PLA2G4A: variants seen among roughly 807,000 people sequenced by gnomAD.
PLA2G4A encodes the protein phospholipase A2 group IVA.
In PLA2G4A, 40 loss-of-function variants were observed where a neutral mutation model predicts 81.9. That is an observed-to-expected ratio of 0.49 (90% CI 0.38 to 0.64). The LOEUF (loss-of-function observed/expected upper bound fraction) is 0.64. PLA2G4A is among the 30% of genes least tolerant of loss of function. PLA2G4A has a pLI of 0.00. For synonymous variants in PLA2G4A, 302 were observed against 296.9 expected (o/e 1.02, Z -0.18); for missense variants, 715 against 905.1 (o/e 0.79, Z 2.69).
At chr1:186,889,038 CTGGTGATA>C (rs1321168155) in intron 3 of PLA2G4A, among the ~76,000 whole-genome samples, 5 of 152,180 alleles carry the variant, frequency 3.3e-5, no homozygotes, top group Non-Finnish European at 7.3e-5. Context: ...ATCCTGAGCA[CTGGTGATA>C]TGGTAGAAAC....
chr1:186,902,200 A>G (rs1571383075), intron 5 of PLA2G4A, among the ~76,000 whole-genome samples: 1 of 152,214 alleles, frequency 6.6e-6, no homozygotes, highest in Non-Finnish European at 1.5e-5. Flanking sequence ...CGTACAAAAG[A>G]TACAATAAAA....
At chr1:186,887,002 A>ACCT (rs1653958180) in intron 3 of PLA2G4A, among the ~76,000 whole-genome samples, 2 of 152,250 alleles carry the variant, frequency 1.3e-5, no homozygotes, top group Admixed American at 1.3e-4. Flanking sequence ...GCTGGAGAAT[A>ACCT]TGATTGAAGG....
chr1:186,969,618 A>G (rs1435040718), intron 15 of PLA2G4A, among the ~76,000 whole-genome samples: 1 of 151,688 alleles, frequency 6.6e-6, no homozygotes, highest in Admixed American at 6.6e-5. Flanking sequence ...CATTAATTCA[A>G]CTGTTTTTAG....
At chr1:186,831,971 T>C (rs1294151989) in intron 1 of PLA2G4A, among the ~76,000 whole-genome samples, 1 of 152,092 alleles carries the variant, frequency 6.6e-6, no homozygotes, top group African/African-American at 2.4e-5. Flanking sequence ...TTAATAATCA[T>C]GCATTACTTT....
At chr1:186,981,484 A>G (rs770897272) in intron 17 of PLA2G4A, among the ~76,000 whole-genome samples, 5 of 152,198 alleles carry the variant, frequency 3.3e-5, no homozygotes, top group East Asian at 1.9e-4. Context: ...CCCGACCTAT[A>G]CACCTCATCA....
At position 186,893,050 on chromosome 1, in the gene PLA2G4A, C is replaced by T; in HGVS notation, c.155C>T (p.Thr52Ile). 1 of 1,609,298 alleles carries T rather than the reference C, an allele frequency of 6.2e-7. No homozygotes were observed. The highest frequency in any genetic ancestry group is 8.5e-7 in the Non-Finnish European group (1 of 1,175,666). ...PDPYVELFISTTPDSRKRTRH... is the reference protein window; with the variant it reads ...PDPYVELFISITPDSRKRTRH... Reference sequence around the variant, plus strand: ...CCCTATGTGGAACTTTTTATCTCTACAACCCCTGACAGCAGGAAGAGAACA... The same window carrying T: ...CCCTATGTGGAACTTTTTATCTCTATAACCCCTGACAGCAGGAAGAGAACA... Residue 52 changes from threonine (T) to isoleucine (I), a missense_variant, in exon 4 of 18, where the codon ACA (threonine) becomes ATA (isoleucine). Transcript: ENST00000367466.
intron 3 of PLA2G4A, among the ~76,000 whole-genome samples, chr1:186,889,865 A>G (rs143298314): frequency 3.4e-4 from 52 of 152,088 alleles, no homozygotes; most frequent in African/African-American, 1.2e-3. Context: ...TTTCCATAGA[A>G]TCCATACCCT....
chr1:186,858,724 A>G (rs1303291783), intron 2 of PLA2G4A, among the ~76,000 whole-genome samples: 2 of 152,110 alleles, frequency 1.3e-5, no homozygotes, highest in African/African-American at 4.8e-5. Context: ...ATATTATACC[A>G]TATTACAAAA....
At chr1:186,937,712 A>G (rs1442478129) in intron 8 of PLA2G4A, among the ~76,000 whole-genome samples, 1 of 135,678 alleles carries the variant, frequency 7.4e-6, no homozygotes, top group Non-Finnish European at 1.6e-5. Flanking sequence ...CTAACAACTG[A>G]AGTCTTGTAT....
chr1:186,847,130 A>T (rs1232400223), intron 1 of PLA2G4A, among the ~76,000 whole-genome samples: 1 of 91,146 alleles, frequency 1.1e-5, no homozygotes, highest in African/African-American at 3.4e-5. Flanking sequence ...TTTGAACAAT[A>T]TAATATTTAT....
chr1:186,969,766 T>C (rs1037303899), intron 15 of PLA2G4A, among the ~76,000 whole-genome samples: 7 of 152,018 alleles, frequency 4.6e-5, no homozygotes, highest in African/African-American at 1.4e-4. Context: ...CTGAATAATA[T>C]TCTATAGTGT....
At position 186,937,870 on chromosome 1, in the gene PLA2G4A, C is replaced by T. The variant is rs187234912; in HGVS notation, c.696-1138C>T. On this transcript the variant is annotated intron_variant, in intron 8 of 17. Transcript: ENST00000367466. ...TTAAAATAGAATATTTGAAAGCCACCGTGAGTCTTCAAGACAACAGCTTAT... is the reference window on the plus strand; with the variant it reads ...TTAAAATAGAATATTTGAAAGCCACTGTGAGTCTTCAAGACAACAGCTTAT... 9.9e-5 allele frequency among the ~76,000 whole-genome samples: 15 copies of T among 152,044 alleles called. No individual in the cohort carries two copies. The East Asian group carries it at 2.1e-3, about 21-fold the overall frequency.
intron 1 of PLA2G4A, among the ~76,000 whole-genome samples, chr1:186,851,068 C>T (rs748097073): frequency 2.6e-5 from 4 of 151,952 alleles, no homozygotes; most frequent in Non-Finnish European, 4.4e-5. Flanking sequence ...ATTCACATTA[C>T]AAGCAAGTAA....
At chr1:186,917,585 TC>T in intron 7 of PLA2G4A, among the ~76,000 whole-genome samples, 1 of 152,258 alleles carries the variant, frequency 6.6e-6, no homozygotes, top group South Asian at 2.1e-4. Flanking sequence ...TTTGCTGTCT[TC>T]CGTACCAAGT....
intron 17 of PLA2G4A, among the ~76,000 whole-genome samples, chr1:186,987,424 G>A (rs1657926224): frequency 6.6e-6 from 1 of 152,242 alleles, no homozygotes; most frequent in African/African-American, 2.4e-5. Flanking sequence ...CTGAGGTAGA[G>A]AATAAAAGGA....
intron 3 of PLA2G4A, among the ~76,000 whole-genome samples, chr1:186,892,201 G>T (rs1460435842): frequency 6.6e-6 from 1 of 152,052 alleles, no homozygotes; most frequent in Non-Finnish European, 1.5e-5. Context: ...TTTCTTGTCA[G>T]ATGGGTAGTT....
In PLA2G4A at chr1:186,894,307, TTGTTCATAGAA is replaced by T. The variant is rs1420422460; in HGVS notation, c.378+101_378+111del. ...TTAACACTTGGAAAATTGTATTTAT[TTGTTCATAGAA>T]TGTTTGCTTTTTAAAGAGAAAATTT... is the stretch of plus-strand genomic sequence containing the variant. On this transcript the variant is annotated intron_variant, in intron 5 of 17. Transcript: ENST00000367466. 16 of 707,742 alleles carry T rather than the reference TTGTTCATAGAA, an allele frequency of 2.3e-5. 1 individual carries two copies. The African/African-American group carries it at 2.3e-4, about 10-fold the overall frequency. 43.8% of individuals were successfully genotyped at this position (707,742 alleles called of 1,614,324 possible).
chr1:186,918,785 G>T (rs923572404), intron 7 of PLA2G4A, among the ~76,000 whole-genome samples: 2 of 152,238 alleles, frequency 1.3e-5, no homozygotes, highest in Non-Finnish European at 2.9e-5. Flanking sequence ...TTTTCACATG[G>T]CAAGCTTTGG....
At chr1:186,977,564 C>G in intron 15 of PLA2G4A, 29 bp from the exon 16 acceptor site, 1 of 1,530,324 alleles carries the variant, frequency 6.5e-7, no homozygotes, top group South Asian at 1.1e-5. Flanking sequence ...CTGAAAATTT[C>G]CAAATTCATC....
Sources: allele counts gnomAD v4.1 joint callset (sites outside exome capture counted in the v4.1 genomes callset), GRCh38; gene constraint gnomAD v4.1.1; transcripts MANE v1.5; gene names NCBI Gene and HGNC (gene_info 2026-07-23, HGNC 2026-07-21).